Variants in NAA40 observed in about 807,000 individuals in gnomAD.
NAA40 encodes the protein N-alpha-acetyltransferase 40, NatD catalytic subunit.
NAA40 carries 26 observed loss-of-function variants against 36.6 expected under a neutral mutation model. The ratio of observed to expected loss-of-function variants is 0.71; its 90% CI spans 0.52 to 0.98. The LOEUF is 0.98. NAA40 is among the 50% of genes least tolerant of loss of function. The pLI is 0.00. For missense variants in NAA40, 237 were observed against 306.5 expected (o/e 0.77, Z 1.69); for synonymous variants, 129 against 108.4 (o/e 1.19, Z -1.18).
intron 3 of NAA40, among the ~76,000 whole-genome samples, chr11:63,950,949 A>T (rs961719501): frequency 3.9e-5 from 6 of 152,182 alleles, no homozygotes; most frequent in Admixed American, 3.3e-4. Flanking sequence ...TGGACATTTT[A>T]TAGTTAAGAT....
At chr11:63,954,273 C>T (rs1042988494) in intron 7 of NAA40, 65 bp from the exon 8 acceptor site, 3 of 1,531,950 alleles carry the variant, frequency 2.0e-6, no homozygotes, top group Admixed American at 4.1e-5. Context: ...TAGAAGAGTT[C>T]TCGGGCCAGG....
At chr11:63,950,653 G>T (rs1942265472) in intron 3 of NAA40, among the ~76,000 whole-genome samples, 1 of 151,542 alleles carries the variant, frequency 6.6e-6, no homozygotes, top group African/African-American at 2.4e-5. Context: ...TATTAAAGAT[G>T]GGGTTTCACT....
In NAA40 at chr11:63,952,893, C is replaced by T. The variant is rs1040464267; in HGVS notation, c.494+54C>T. ...ATAGCACTCAGTTGGAAGGAGCTGT[C>T]ACTGAGGCACTTGCCATTCTTTGAG... On this transcript the variant is annotated intron_variant, in intron 6 of 7. Coordinates refer to ENST00000377793, the MANE Select transcript of NAA40 (RefSeq NM_024771.4). 3 of 1,463,140 alleles carry T rather than the reference C, an allele frequency of 2.1e-6. No individual in the cohort carries two copies. In the African/African-American group the frequency reaches 4.2e-5, roughly 20 times the overall value. The allele number at this position is 1,463,140 out of a possible 1,614,324, so 90.6% of individuals were successfully genotyped here.
intron 3 of NAA40, 81 bp downstream of exon 3, chr11:63,947,084 C>CA: frequency 1.4e-6 from 2 of 1,393,622 alleles, no homozygotes; most frequent in Non-Finnish European, 2.0e-6. Flanking sequence ...CTTCCTCAGA[C>CA]ACAAATTTTC....
At chr11:63,946,901 C>T in intron 2 of NAA40, 50 bp from the exon 3 acceptor site, 1 of 1,610,172 alleles carries the variant, frequency 6.2e-7, no homozygotes. Context: ...ATAGGATCTG[C>T]ACCTCCGCCC....
chr11:63,947,933 G>A (rs1373502551), intron 3 of NAA40, among the ~76,000 whole-genome samples: 1 of 152,076 alleles, frequency 6.6e-6, no homozygotes, highest in Non-Finnish European at 1.5e-5. Context: ...TCTTGGCCAG[G>A]CTGGTCTTGA....
At chr11:63,952,901 C>G in intron 6 of NAA40, 62 bp downstream of exon 6, 1 of 1,433,880 alleles carries the variant, frequency 7.0e-7, no homozygotes, top group South Asian at 1.2e-5. Flanking sequence ...GTCACTGAGG[C>G]ACTTGCCATT....
intron 3 of NAA40, among the ~76,000 whole-genome samples, chr11:63,950,462 T>C (rs940621983): frequency 6.6e-6 from 1 of 150,786 alleles, no homozygotes; most frequent in South Asian, 2.1e-4. Flanking sequence ...TATTGTGATA[T>C]CTCATAGTGT....
At chr11:63,953,070 CAG>C (rs1391142513) in intron 6 of NAA40, among the ~76,000 whole-genome samples, 4 of 74,972 alleles carry the variant, frequency 5.3e-5, no homozygotes, top group African/African-American at 1.8e-4. Flanking sequence ...TTTTTTGAGA[CAG>C]AGTTTCACTC....
intron 1 of NAA40, among the ~76,000 whole-genome samples, chr11:63,939,748 C>T (rs1942076305): frequency 6.6e-6 from 1 of 152,076 alleles, no homozygotes; most frequent in African/African-American, 2.4e-5. Flanking sequence ...TTCTTACGAC[C>T]GCTTGGGTTG....
At chr11:63,951,630 G>A (rs1470398952) in intron 3 of NAA40, among the ~76,000 whole-genome samples, 1 of 152,200 alleles carries the variant, frequency 6.6e-6, no homozygotes, top group Non-Finnish European at 1.5e-5. Flanking sequence ...ACAGGTGTGA[G>A]CCACCATTCC....
At chr11:63,947,509 C>G (rs943381725) in intron 3 of NAA40, among the ~76,000 whole-genome samples, 1 of 152,142 alleles carries the variant, frequency 6.6e-6, no homozygotes, top group African/African-American at 2.4e-5. Context: ...CATAAATGAG[C>G]AAAGATTGCA....
chr11:63,946,653 T>C, intron 2 of NAA40: 1 of 1,386,162 alleles, frequency 7.2e-7, no homozygotes, highest in Admixed American at 2.8e-5. Flanking sequence ...AGGTAGCCTC[T>C]TCTTTGGGTT....
In NAA40 at chr11:63,954,634, G is replaced by T; in HGVS notation, c.*155G>T. ...GAGCACAGAACCCTGGGGAGAAGTG[G>T]TATCAGCTGCTCCTCCTCTCCTAGG... On this transcript the variant is annotated 3_prime_UTR_variant, in exon 8 of 8. Transcript: ENST00000377793. 1.4e-6 allele frequency: 1 copy of T among 731,256 alleles called. No individual in the cohort carries two copies. The highest frequency in any genetic ancestry group is 2.0e-6 in the Non-Finnish European group (1 of 494,012). 45.3% of individuals were successfully genotyped at this position (731,256 alleles called of 1,614,324 possible).
At chr11:63,951,729 C>G (rs544813657) in intron 3 of NAA40, among the ~76,000 whole-genome samples, 4 of 152,200 alleles carry the variant, frequency 2.6e-5, no homozygotes, top group South Asian at 4.2e-4. Flanking sequence ...CGTGTTGAGC[C>G]GTAGTCTTCT....
chr11:63,945,204 C>G (rs1942167479), intron 1 of NAA40, among the ~76,000 whole-genome samples: 1 of 152,154 alleles, frequency 6.6e-6, no homozygotes, highest in Non-Finnish European at 1.5e-5. Flanking sequence ...TGAGGTGAAC[C>G]CTTTGGGCCC....
chr11:63,941,271 C>T (rs1942104989), intron 1 of NAA40, among the ~76,000 whole-genome samples: 1 of 152,196 alleles, frequency 6.6e-6, no homozygotes, highest in Non-Finnish European at 1.5e-5. Flanking sequence ...CTGGGGAAGT[C>T]ATCATTCCTT....
At position 63,952,503 on chromosome 11, in the gene NAA40, C is replaced by T. The variant is rs770232812; in HGVS notation, c.348C>T (p.Ser116=). 1.4e-5 allele frequency: 23 copies of T among 1,614,060 alleles called. No homozygotes were observed. The highest frequency in any genetic ancestry group is 7.7e-5 in the South Asian group (7 of 91,088). The part of the protein sequence containing the change: ...AWYLIAWENS[S]VPVAFSHFRF... Reference sequence around the variant, plus strand: ...ACCTCATCGCGTGGGAAAACAGCTCCGTCCCTGTTGCCTTTTCTCACTTCC... The same window carrying T: ...ACCTCATCGCGTGGGAAAACAGCTCTGTCCCTGTTGCCTTTTCTCACTTCC... The change falls in exon 5 of 8, where the codon TCC becomes TCT. Residue 116 remains serine, a synonymous_variant. Transcript: ENST00000377793.
At chr11:63,952,209 A>G in intron 3 of NAA40, 29 bp from the exon 4 acceptor site, 1 of 1,560,174 alleles carries the variant, frequency 6.4e-7, no homozygotes. Flanking sequence ...GCTGTAACCA[A>G]TTCCGTACAC....
Sources: gnomAD v4.1 joint callset for allele counts (sites outside exome capture counted in the v4.1 genomes callset) on GRCh38, gnomAD v4.1.1 for gene constraint, MANE v1.5 for transcripts, NCBI Gene and HGNC (gene_info 2026-07-23, HGNC 2026-07-21) for gene names.